The following GNGT1 variants were observed in gnomAD, a reference collection of about 807,000 sequenced individuals.
GNGT1 encodes guanine nucleotide-binding protein G(T) subunit gamma-T1.
Under a neutral mutation model 7.4 loss-of-function variants are expected in GNGT1, and 4 were observed. The observed-to-expected ratio is 0.54, with a 90% CI of 0.27 to 1.24. The LOEUF is 1.24. Among genes scored for constraint, GNGT1 ranks in the 50% most tolerant of loss-of-function variants. The pLI is 0.12. For synonymous variants in GNGT1, 37 were observed against 30.2 expected, an observed-to-expected ratio of 1.23 and a Z score of -0.74; for missense variants, 95 against 82.4, an observed-to-expected ratio of 1.15 and a Z score of -0.59.
At chr7:93,908,537 T>C (rs1257850998) in intron 2 of GNGT1, among the ~76,000 whole-genome samples, 1 of 152,098 alleles carries the variant, frequency 6.6e-6, no homozygotes, top group Non-Finnish European at 1.5e-5. Flanking sequence ...TTATGAGAAC[T>C]CTGTCTTCAT....
chr7:93,906,662 G>T lies in GNGT1; in HGVS notation c.-12+18G>T. ...TTTACTTTGTAAGTTAAGAGCTGAG[G>T]GAATTGTTGGCTAAGACTGACTTGA... On this transcript the variant is annotated intron_variant, in intron 1 of 2. Transcript: ENST00000248572. 2.6e-6 allele frequency: 2 copies of T among 761,076 alleles called. No individual in the cohort carries two copies. The highest frequency in any genetic ancestry group is 4.6e-6 in the Non-Finnish European group (2 of 439,190). 47.1% of individuals were successfully genotyped at this position (761,076 alleles called of 1,614,324 possible). A position where few individuals can be genotyped will look rare whatever the true frequency, so the allele number is the denominator to read the frequency against.
At chr7:93,908,471 G>A (rs1212672962) in intron 2 of GNGT1, among the ~76,000 whole-genome samples, 1 of 151,668 alleles carries the variant, frequency 6.6e-6, no homozygotes, top group Non-Finnish European at 1.5e-5. Flanking sequence ...GTCCTCACCT[G>A]GTGATAGGGA....
intron 2 of GNGT1, among the ~76,000 whole-genome samples, chr7:93,907,830 C>G (rs1262441336): frequency 6.6e-6 from 1 of 152,102 alleles, no homozygotes; most frequent in East Asian, 1.9e-4. Flanking sequence ...ATCTCAAACT[C>G]CCCTGTTGCC....
intron 2 of GNGT1, 89 bp downstream of exon 2, chr7:93,906,931 T>C (rs980786535): frequency 1.5e-6 from 1 of 656,996 alleles, no homozygotes; most frequent in African/African-American, 1.9e-5. Context: ...AAAGGCTCAA[T>C]GTAGTTACAA....
At chr7:93,909,603 G>T in intron 2 of GNGT1, 1 of 613,514 alleles carries the variant, frequency 1.6e-6, no homozygotes, top group Non-Finnish European at 3.0e-6. Flanking sequence ...GAGAGAGAGT[G>T]TGGGACCACT....
intron 2 of GNGT1, 135 bp downstream of exon 2, chr7:93,906,977 G>A (rs1339791371): frequency 4.0e-6 from 2 of 500,690 alleles, no homozygotes; most frequent in East Asian, 3.6e-5. Flanking sequence ...CAAAGATTAA[G>A]AAAATTGATA....
At chr7:93,906,710 T>C in intron 1 of GNGT1, 26 bp from the exon 2 acceptor site, 1 of 1,205,194 alleles carries the variant, frequency 8.3e-7, no homozygotes, top group Non-Finnish European at 1.2e-6. Context: ...AATTCATGCA[T>C]AGCTGCTAAC....
intron 2 of GNGT1, among the ~76,000 whole-genome samples, chr7:93,907,129 G>A (rs1794386601): frequency 1.4e-5 from 2 of 145,396 alleles, no homozygotes; most frequent in African/African-American, 2.5e-5. Flanking sequence ...GAGAAGGGAA[G>A]AAAGAAAGAA....
In GNGT1 at chr7:93,906,766, A is replaced by C; in HGVS notation, c.20A>C (p.Glu7Ala). 1.2e-6 allele frequency: 2 copies of C among 1,603,462 alleles called. No homozygotes were observed. Among genetic ancestry groups the C allele is most frequent in the Non-Finnish European group, 1.7e-6 (2 of 1,173,598 alleles). Residue 7 changes from glutamate to alanine, a missense_variant, in exon 2 of 3, where the codon GAG becomes GCG. Transcript: ENST00000248572. MPVINI[E>A]DLTEKDKLKM... is the part of the protein sequence containing the mutation. ...AAAAAGATGCCAGTAATCAATATTG[A>C]GGACCTGACAGAAAAGGACAAATTG... is the stretch of plus-strand genomic sequence containing the variant.
intron 2 of GNGT1, chr7:93,910,184 A>T (rs1042223047): frequency 6.6e-6 from 1 of 152,174 alleles, no homozygotes; most frequent in African/African-American, 2.4e-5. Context: ...AACAACATGA[A>T]TAATTCAGTC....
Position 93,906,782 on chromosome 7 carries a change from G to C in GNGT1, c.36G>C (p.Lys12Asn), listed in dbSNP as rs1037993267. The change falls in exon 2 of 3, where the codon AAG becomes AAC. Residue 12 changes from lysine (K) to asparagine (N), a missense_variant. Physicochemically the swap from Lys to Asn is moderately conservative, Grantham distance 94 (BLOSUM62 0). Transcript: ENST00000248572. Reference protein sequence around the residue: ...PVINIEDLTEKDKLKMEVDQL... With the variant: ...PVINIEDLTENDKLKMEVDQL... ...TCAATATTGAGGACCTGACAGAAAA[G>C]GACAAATTGAAGATGGAAGTTGACC... 7 of 1,605,262 alleles carry C rather than the reference G, an allele frequency of 4.4e-6. No homozygotes were observed. In the South Asian group the frequency reaches 5.6e-5, roughly 13 times the overall value.
intron 2 of GNGT1, chr7:93,909,521 C>T: frequency 2.8e-6 from 2 of 702,214 alleles, no homozygotes; most frequent in South Asian, 3.0e-5. Context: ...CCCTTATGGA[C>T]TACTGAATTA....
intron 2 of GNGT1, 61 bp from the exon 3 acceptor site, chr7:93,910,729 C>T (rs548379062): frequency 7.2e-5 from 86 of 1,192,596 alleles, no homozygotes; most frequent in Non-Finnish European, 9.9e-5. Context: ...AAATAAATTC[C>T]TGGCATCTGG....
Position 93,910,877 on chromosome 7 carries a change from A to T in GNGT1, c.184A>T (p.Asn62Tyr). The T allele has an allele frequency of 6.2e-7, 1 of 1,610,332 alleles. No individual in the cohort carries two copies. The highest frequency in any genetic ancestry group is 8.5e-7 in the Non-Finnish European group (1 of 1,177,482). ...PLVKGIPEDK[N>Y]PFKELKGGCV... ...GGTAAAGGGCATCCCAGAGGACAAA[A>T]ATCCCTTCAAGGAGCTCAAAGGAGG... Residue 62 changes from asparagine (N) to tyrosine (Y), a missense_variant, in exon 3 of 3, where the codon AAT becomes TAT. Coordinates refer to ENST00000248572, the MANE Select transcript of GNGT1 (RefSeq NM_021955.5).
At chr7:93,907,736 G>A (rs1794398636) in intron 2 of GNGT1, among the ~76,000 whole-genome samples, 1 of 152,084 alleles carries the variant, frequency 6.6e-6, no homozygotes, top group South Asian at 2.1e-4. Context: ...AGTAAAAAAG[G>A]ATCTTGTGTT....
At chr7:93,906,972 A>ATTG in intron 2 of GNGT1, 130 bp downstream of exon 2, 1 of 518,378 alleles carries the variant, frequency 1.9e-6, no homozygotes, top group Non-Finnish European at 3.3e-6. Context: ...TTTATCAAAG[A>ATTG]TTAAGAAAAT....
chr7:93,908,485 C>G (rs537401445), intron 2 of GNGT1, among the ~76,000 whole-genome samples: 1 of 151,766 alleles, frequency 6.6e-6, no homozygotes, highest in African/African-American at 2.4e-5. Context: ...ATAGGGATGA[C>G]GAAGCTCTCT....
chr7:93,909,513 C>T (rs181287114), intron 2 of GNGT1: 1 of 702,314 alleles, frequency 1.4e-6, no homozygotes, highest in African/African-American at 1.7e-5. Context: ...AAACCAATCC[C>T]TTATGGACTA....
At chr7:93,909,386 CATAT>C in intron 2 of GNGT1, 2 of 644,974 alleles carry the variant, frequency 3.1e-6, no homozygotes, top group East Asian at 5.5e-5. Context: ...TGTTAAACTA[CATAT>C]ATTTATATTA....
Sources: gnomAD v4.1 joint callset for allele counts (sites outside exome capture counted in the v4.1 genomes callset) on GRCh38, gnomAD v4.1.1 for gene constraint, MANE v1.5 for transcripts, NCBI Gene and HGNC (gene_info 2026-07-23, HGNC 2026-07-21) for gene names.